Variants in CEMIP observed in about 807,000 individuals in gnomAD.
CEMIP encodes cell migration-inducing and hyaluronan-binding protein.
A neutral mutation model predicts 156.9 loss-of-function variants in CEMIP; 105 were observed. The ratio of observed to expected loss-of-function variants is 0.67; its 90% CI spans 0.57 to 0.79. The LOEUF is 0.79. Among genes scored for constraint, CEMIP ranks in the 30% least tolerant of loss-of-function variants. The pLI, the probability that CEMIP is intolerant of heterozygous loss-of-function variation, is 0.00. For missense variants in CEMIP, 1,457 were observed against 1,769.4 expected (o/e 0.82, Z 3.17); for synonymous variants, 676 against 668.4 (o/e 1.01, Z -0.17).
intron 1 of CEMIP, among the ~76,000 whole-genome samples, chr15:80,859,496 C>A (rs1490222592): frequency 1.3e-5 from 2 of 152,262 alleles, no homozygotes; most frequent in Non-Finnish European, 2.9e-5. Flanking sequence ...CTGCTCCCAG[C>A]AGACTATGCC....
chr15:80,898,378 T>G (rs1449446436), intron 12 of CEMIP, among the ~76,000 whole-genome samples: 1 of 152,230 alleles, frequency 6.6e-6, no homozygotes, highest in East Asian at 1.9e-4. Context: ...CTTACAATAT[T>G]GCCTAGCACA....
chr15:80,900,652 GTGTGTGTGTC>G lies in CEMIP; in HGVS notation c.1411+4602_1411+4611del, dbSNP rs1899480122. Among the ~76,000 whole-genome samples, 40 of 141,634 alleles carry G rather than the reference GTGTGTGTGTC, an allele frequency of 2.8e-4. 2 individuals carry two copies. Among genetic ancestry groups the G allele is most frequent in the African/African-American group, 1.0e-3 (37 of 36,826 alleles). The allele number at this position is 141,634 out of a possible 152,430, so 92.9% of individuals were successfully genotyped here. Reference sequence around the variant, plus strand: ...TGTGTGTGTGTGTGTGTGTGTGTCTGTGTGTGTGTCTGTGTGTGTGTGTGTATTTTGTGTG... The same window carrying G: ...TGTGTGTGTGTGTGTGTGTGTGTCTGTGTGTGTGTGTGTGTATTTTGTGTG... On this transcript the variant is annotated intron_variant, in intron 12 of 29. Coordinates refer to ENST00000394685, the MANE Select transcript of CEMIP (RefSeq NM_001293298.2).
intron 1 of CEMIP, among the ~76,000 whole-genome samples, chr15:80,854,713 C>A (rs970386694): frequency 6.6e-6 from 1 of 152,084 alleles, no homozygotes; most frequent in African/African-American, 2.4e-5. Context: ...TACTTAATAG[C>A]CTTATAAGCT....
chr15:80,933,221 C>T, intron 22 of CEMIP, 24 bp from the exon 23 acceptor site: 1 of 1,605,216 alleles, frequency 6.2e-7, no homozygotes, highest in Non-Finnish European at 8.5e-7. Flanking sequence ...CTAGCCCTGC[C>T]TAACTTTCCT....
Position 80,931,999 on chromosome 15 carries a change from C to A in CEMIP, c.2753C>A (p.Pro918His). 6.2e-7 allele frequency: 1 copy of A among 1,614,128 alleles called. No homozygotes were observed. The highest frequency in any genetic ancestry group is 1.1e-5 in the South Asian group (1 of 91,080). Residue 918 changes from proline to histidine, a missense_variant, in exon 22 of 30, where the codon CCC (proline) becomes CAC (histidine). Around this residue, in one of 5 missense-constraint regions of CEMIP, gnomAD observed 798 missense variants for 980.1 expected, o/e 0.81. Transcript: ENST00000394685. ...CTGAATAATGCCTGGCAGAGCTGCCCCCATAACAACGTGACCGGCATTGCC... is the reference window on the plus strand; with the variant it reads ...CTGAATAATGCCTGGCAGAGCTGCCACCATAACAACGTGACCGGCATTGCC... Reference protein sequence around the residue: ...FRLNNAWQSCPHNNVTGIAFE... With the variant: ...FRLNNAWQSCHHNNVTGIAFE...
At position 80,928,888 on chromosome 15, in the gene CEMIP, G is replaced by A; in HGVS notation, c.2421-14G>A. The stretch of plus-strand genomic sequence containing the variant: ...CAGGGCATGCTCTGACTATCTATCT[G>A]CTCTTGCCCACAGGTTTGCTGACAA... On this transcript the variant is annotated splice_polypyrimidine_tract_variant and intron_variant, in intron 19 of 29. Coordinates refer to ENST00000394685, the MANE Select transcript of CEMIP (RefSeq NM_001293298.2). The A allele has an allele frequency of 6.2e-7, 1 of 1,613,594 alleles. No individual in the cohort carries two copies. Among genetic ancestry groups the A allele is most frequent in the South Asian group, 1.1e-5 (1 of 91,040 alleles).
chr15:80,825,784 C>T (rs968119145), intron 1 of CEMIP, among the ~76,000 whole-genome samples: 15 of 152,318 alleles, frequency 9.8e-5, no homozygotes, highest in Non-Finnish European at 1.5e-4. Context: ...GATGACCCCT[C>T]GGGCTTTAAG....
chr15:80,859,987 G>A (rs904122207), intron 1 of CEMIP, among the ~76,000 whole-genome samples: 5 of 152,068 alleles, frequency 3.3e-5, no homozygotes. Flanking sequence ...GCTCTGCAGA[G>A]TATTCTCCCT....
At position 80,863,958 on chromosome 15, in the gene CEMIP, C is replaced by G. The variant is rs75324182; in HGVS notation, c.-175-9580C>G. ...TCTCCTTTGCCTTCCTCTCCCCTCC[C>G]CTCTCTTCTCCCTTTCCCTTCCCTC... On this transcript the variant is annotated intron_variant, in intron 1 of 29. Coordinates refer to ENST00000394685, the MANE Select transcript of CEMIP (RefSeq NM_001293298.2). 5.4e-3 allele frequency among the ~76,000 whole-genome samples: 819 copies of G among 152,290 alleles called. 11 individuals carry two copies. Among genetic ancestry groups the G allele is most frequent in the African/African-American group, 0.019 (782 of 41,540 alleles).
chr15:80,831,588 G>T (rs1048976981), intron 1 of CEMIP, among the ~76,000 whole-genome samples: 12 of 152,158 alleles, frequency 7.9e-5, no homozygotes, highest in Non-Finnish European at 1.6e-4. Flanking sequence ...GGTAGGGAAA[G>T]ACCAGCCTCT....
intron 1 of CEMIP, among the ~76,000 whole-genome samples, chr15:80,862,840 A>T (rs1898020969): frequency 1.3e-5 from 2 of 152,244 alleles, no homozygotes; most frequent in Non-Finnish European, 2.9e-5. Context: ...ACCTGGAGGA[A>T]TCATGCAAGA....
intron 6 of CEMIP, among the ~76,000 whole-genome samples, chr15:80,882,759 C>T (rs1270498900): frequency 4.7e-5 from 2 of 42,588 alleles, no homozygotes; most frequent in South Asian, 4.8e-4. Flanking sequence ...CACACACATA[C>T]ACACACACAC....
intron 1 of CEMIP, among the ~76,000 whole-genome samples, chr15:80,856,723 G>A (rs1897860495): frequency 6.6e-6 from 1 of 152,186 alleles, no homozygotes; most frequent in African/African-American, 2.4e-5. Flanking sequence ...TTTAGAGAGA[G>A]AATACTGAGG....
At chr15:80,873,445 A>G (rs1898362166) in intron 1 of CEMIP, 93 bp from the exon 2 acceptor site, 1 of 271,540 alleles carries the variant, frequency 3.7e-6, no homozygotes, top group Non-Finnish European at 7.2e-6. Context: ...GATTAAACAG[A>G]TCATCTGAGA....
intron 1 of CEMIP, among the ~76,000 whole-genome samples, chr15:80,818,737 G>C (rs1049282535): frequency 1.2e-4 from 19 of 152,226 alleles, no homozygotes; most frequent in Admixed American, 6.5e-4. Context: ...TGGCTTCTGG[G>C]AGATTTGTGT....
At chr15:80,786,171 C>T (rs771350666) in intron 1 of CEMIP, among the ~76,000 whole-genome samples, 5 of 152,072 alleles carry the variant, frequency 3.3e-5, no homozygotes, top group Non-Finnish European at 7.4e-5. Context: ...TGGGTCATTT[C>T]GTTTTGCTTT....
intron 29 of CEMIP, chr15:80,948,591 C>T: frequency 1.5e-6 from 1 of 665,342 alleles, no homozygotes; most frequent in South Asian, 1.7e-5. Context: ...CAGTGAGGCT[C>T]AGGTGAGACC....
intron 1 of CEMIP, among the ~76,000 whole-genome samples, chr15:80,806,762 T>C (rs1350746253): frequency 6.6e-6 from 1 of 152,252 alleles, no homozygotes; most frequent in Admixed American, 6.5e-5. Flanking sequence ...CATAGCGTTA[T>C]CCTGTTTGAT....
intron 1 of CEMIP, among the ~76,000 whole-genome samples, chr15:80,785,297 T>C (rs527471040): frequency 6.6e-6 from 1 of 152,318 alleles, no homozygotes; most frequent in African/African-American, 2.4e-5. Context: ...ATTTCTTCTT[T>C]TTTGAACCTG....
Sources: allele counts gnomAD v4.1 joint callset (sites outside exome capture counted in the v4.1 genomes callset), GRCh38; gene constraint gnomAD v4.1.1; regional missense constraint gnomAD v4.1.1; transcripts MANE v1.5; gene names NCBI Gene and HGNC (gene_info 2026-07-23, HGNC 2026-07-21).